DSE: variants seen among roughly 807,000 people sequenced by gnomAD.
DSE encodes the protein dermatan-sulfate epimerase.
A neutral mutation model predicts 84.4 loss-of-function variants in DSE; 36 were observed. The observed-to-expected ratio is 0.43, with a 90% CI of 0.33 to 0.56. The LOEUF is 0.56. Ranked by LOEUF, DSE falls within the 20% of genes least tolerant of loss-of-function variation. The pLI is 0.06. For synonymous variants in DSE, 410 were observed against 430.1 expected (o/e 0.95, Z 0.58); for missense variants, 862 against 1,169.6 (o/e 0.74, Z 3.84).
intron 2 of DSE, among the ~76,000 whole-genome samples, chr6:116,310,156 C>T (rs1206111209): frequency 1.3e-5 from 2 of 152,130 alleles, no homozygotes; most frequent in Non-Finnish European, 2.9e-5. Flanking sequence ...AAGTCTGGAT[C>T]CTATGACTTG....
Position 116,436,137 on chromosome 6 carries a change from A to G in DSE, c.1669A>G (p.Asn557Asp). Reference sequence around the variant, plus strand: ...GCTCAACCTGAAGAATGTTCAGAGGAATCTCATCCTCCTACATCCACAGCT... The same window carrying G: ...GCTCAACCTGAAGAATGTTCAGAGGGATCTCATCCTCCTACATCCACAGCT... ...PQLNLKNVQR[N>D]LILLHPQLLL... Residue 557 changes from asparagine to aspartate, a missense_variant, in exon 6 of 6, where the codon AAT becomes GAT. Around this residue, in one of 4 missense-constraint regions of DSE, gnomAD observed 186 missense variants for 255.1 expected, o/e 0.73. Coordinates refer to ENST00000644252, the MANE Select transcript of DSE (RefSeq NM_013352.4). 1 of 1,612,984 alleles carries G rather than the reference A, an allele frequency of 6.2e-7. No homozygotes were observed.
intron 2 of DSE, among the ~76,000 whole-genome samples, chr6:116,345,814 A>AC: frequency 6.6e-6 from 1 of 152,326 alleles, no homozygotes; most frequent in Middle Eastern, 3.4e-3. Context: ...CCTTCAAAAA[A>AC]TCAATGAATC....
chr6:116,307,605 G>A (rs924525469), intron 2 of DSE, among the ~76,000 whole-genome samples: 1 of 152,190 alleles, frequency 6.6e-6, no homozygotes, highest in Admixed American at 6.5e-5. Context: ...AAGGTAGTAC[G>A]AAGTTAAACA....
At chr6:116,400,383 A>G (rs1185400421) in intron 2 of DSE, 1 of 152,232 alleles carries the variant, frequency 6.6e-6, no homozygotes, top group Non-Finnish European at 1.5e-5. Flanking sequence ...CAATTTTTAA[A>G]TACACATTTA....
chr6:116,414,128 C>G (rs770472458), intron 2 of DSE, among the ~76,000 whole-genome samples: 1 of 152,122 alleles, frequency 6.6e-6, no homozygotes, highest in East Asian at 1.9e-4. Flanking sequence ...ATACCATAGA[C>G]TAGGTGGCTT....
At chr6:116,316,143 A>G (rs958879494) in intron 2 of DSE, among the ~76,000 whole-genome samples, 3 of 152,216 alleles carry the variant, frequency 2.0e-5, no homozygotes, top group Non-Finnish European at 4.4e-5. Flanking sequence ...ACATAGCTTA[A>G]GTTTATCTCA....
chr6:116,382,053 G>A (rs1161182204), intron 1 of DSE, among the ~76,000 whole-genome samples: 2 of 151,714 alleles, frequency 1.3e-5, no homozygotes, highest in African/African-American at 4.8e-5. Flanking sequence ...GTGTGTGTGT[G>A]TGTGTGTGTG....
chr6:116,324,706 G>A (rs527388333), intron 2 of DSE, among the ~76,000 whole-genome samples: 7 of 152,258 alleles, frequency 4.6e-5, no homozygotes, highest in South Asian at 4.1e-4. Context: ...TTGGTAGCTC[G>A]AGGAGCCTGA....
At chr6:116,389,815 C>T (rs1475659555) in intron 1 of DSE, among the ~76,000 whole-genome samples, 1 of 151,906 alleles carries the variant, frequency 6.6e-6, no homozygotes, top group Non-Finnish European at 1.5e-5. Flanking sequence ...ATCTTTTACT[C>T]TTTAGAGAAA....
chr6:116,331,710 G>A (rs1374974808), intron 2 of DSE, among the ~76,000 whole-genome samples: 10 of 152,146 alleles, frequency 6.6e-5, no homozygotes, highest in African/African-American at 2.4e-4. Context: ...TGTAGTCCCA[G>A]CACTTTGGGA....
chr6:116,327,859 G>A (rs534694823), intron 2 of DSE, among the ~76,000 whole-genome samples: 2 of 152,278 alleles, frequency 1.3e-5, no homozygotes, highest in East Asian at 3.9e-4. Context: ...AGACACAACA[G>A]CTAAAAGTCT....
rs1164321791 is a variant in DSE, at chr6:116,429,734, G to C, written c.671-1220G>C. Among the ~76,000 whole-genome samples the C allele has an allele frequency of 4.5e-4, 32 of 71,448 alleles. 13 individuals carry two copies. The highest frequency in any genetic ancestry group is 7.8e-4 in the Non-Finnish European group (27 of 34,458). 46.9% of individuals were successfully genotyped at this position (71,448 alleles called of 152,430 possible). On this transcript the variant is annotated intron_variant, in intron 3 of 5. Coordinates refer to ENST00000644252, the MANE Select transcript of DSE (RefSeq NM_013352.4). ...GAGGCCGAGGCGGGCGGATCACGAGGTCAGGAGATCGAGACCATCCTGGCT... is the reference window on the plus strand; with the variant it reads ...GAGGCCGAGGCGGGCGGATCACGAGCTCAGGAGATCGAGACCATCCTGGCT...
intron 2 of DSE, among the ~76,000 whole-genome samples, chr6:116,291,684 T>C (rs148454465): frequency 3.3e-5 from 5 of 152,160 alleles, no homozygotes; most frequent in African/African-American, 1.2e-4. Flanking sequence ...GAAAATAATA[T>C]TAATTGCCAT....
In DSE at chr6:116,299,504, T is replaced by TATA. The variant is rs1562213203; in HGVS notation, c.-54+40537_-54+40538insATA. 6.1e-3 allele frequency among the ~76,000 whole-genome samples: 70 copies of TATA among 11,492 alleles called. 3 individuals carry two copies. Among genetic ancestry groups the TATA allele is most frequent in the Non-Finnish European group, 7.7e-3 (33 of 4,262 alleles). 7.5% of individuals were successfully genotyped at this position (11,492 alleles called of 152,430 possible). A position where few individuals can be genotyped will look rare whatever the true frequency, so the allele number is the denominator to read the frequency against. On this transcript the variant is annotated intron_variant, in intron 2 of 3. Coordinates refer to the DSE transcript ENST00000430252. ...TCCTGAAAGGCTTCTTGAATTATTT[T>TATA]TATATATATATATATATATATATAT... is the stretch of plus-strand genomic sequence containing the variant.
chr6:116,269,494 G>C (rs935421303), intron 2 of DSE, among the ~76,000 whole-genome samples: 1 of 152,134 alleles, frequency 6.6e-6, no homozygotes, highest in African/African-American at 2.4e-5. Context: ...TAAGTGAAAG[G>C]TTTGTGGAAG....
At chr6:116,332,559 A>G (rs1777015312) in intron 2 of DSE, among the ~76,000 whole-genome samples, 4 of 152,224 alleles carry the variant, frequency 2.6e-5, no homozygotes, top group Admixed American at 2.6e-4. Flanking sequence ...TTAGGATAGT[A>G]CAGTATTGGG....
At chr6:116,288,694 A>G (rs1032985416) in intron 2 of DSE, among the ~76,000 whole-genome samples, 1 of 152,254 alleles carries the variant, frequency 6.6e-6, no homozygotes, top group East Asian at 1.9e-4. Flanking sequence ...CACTAATTAC[A>G]TTTCAAGTAC....
chr6:116,341,028 G>A (rs1306282535), intron 2 of DSE, among the ~76,000 whole-genome samples: 1 of 152,116 alleles, frequency 6.6e-6, no homozygotes, highest in Non-Finnish European at 1.5e-5. Flanking sequence ...TTGGTCAAAT[G>A]GTATTTCTAG....
intron 2 of DSE, among the ~76,000 whole-genome samples, chr6:116,329,312 C>T (rs1201084164): frequency 4.6e-5 from 7 of 152,104 alleles, no homozygotes; most frequent in Admixed American, 4.6e-4. Context: ...TTACATAGTA[C>T]CACAGGGACT....
Sources: gnomAD v4.1 joint callset for allele counts (sites outside exome capture counted in the v4.1 genomes callset) on GRCh38, gnomAD v4.1.1 for gene constraint, gnomAD v4.1.1 regional missense constraint, MANE v1.5 for transcripts, NCBI Gene and HGNC (gene_info 2026-07-23, HGNC 2026-07-21) for gene names.